The following SIK2 variants were observed in gnomAD, a reference collection of about 807,000 sequenced individuals.
SIK2 encodes the protein serine/threonine-protein kinase SIK2.
In SIK2, 29 loss-of-function variants were observed where a neutral mutation model predicts 103.2. That is an observed-to-expected ratio of 0.28 (90% CI 0.21 to 0.38). The LOEUF is 0.38. Among genes scored for constraint, SIK2 ranks in the 10% least tolerant of loss-of-function variants. The pLI is 1.00. For missense variants in SIK2, 879 were observed against 1,171.0 expected, an observed-to-expected ratio of 0.75 and a Z score of 3.64; for synonymous variants, 412 against 446.1, an observed-to-expected ratio of 0.92 and a Z score of 0.96.
chr11:111,629,873 A>G (rs900448294), intron 3 of SIK2, among the ~76,000 whole-genome samples: 10 of 152,220 alleles, frequency 6.6e-5, no homozygotes, highest in African/African-American at 2.4e-4. Flanking sequence ...GTAGGAATGT[A>G]AAATGGTACA....
At chr11:111,653,805 G>C (rs1274475016) in intron 3 of SIK2, among the ~76,000 whole-genome samples, 11 of 152,218 alleles carry the variant, frequency 7.2e-5, no homozygotes, top group African/African-American at 2.7e-4. Context: ...GGGCAAGCTG[G>C]GAGGTGTCTG....
intron 3 of SIK2, among the ~76,000 whole-genome samples, chr11:111,680,108 C>T (rs1479034621): frequency 2.0e-5 from 3 of 150,370 alleles, no homozygotes; most frequent in East Asian, 1.9e-4. Flanking sequence ...GGTGACAGGG[C>T]GAGACTCCAT....
chr11:111,622,750 G>GT (rs1941908401), intron 3 of SIK2, among the ~76,000 whole-genome samples: 1 of 151,882 alleles, frequency 6.6e-6, no homozygotes, highest in Non-Finnish European at 1.5e-5. Context: ...CATTTGCACT[G>GT]TTTCTGACAA....
chr11:111,621,917 A>T (rs1367400407), intron 3 of SIK2, among the ~76,000 whole-genome samples: 1 of 145,180 alleles, frequency 6.9e-6, no homozygotes, highest in Non-Finnish European at 1.5e-5. Flanking sequence ...CATCTCAATT[A>T]AAAAAAAAAA....
At chr11:111,680,956 A>C (rs1238976391) in intron 3 of SIK2, among the ~76,000 whole-genome samples, 1 of 152,174 alleles carries the variant, frequency 6.6e-6, no homozygotes, top group African/African-American at 2.4e-5. Context: ...ATGACTCTTG[A>C]ATTTTTGAGG....
intron 9 of SIK2, among the ~76,000 whole-genome samples, chr11:111,713,265 T>C (rs1488474424): frequency 6.6e-6 from 1 of 152,244 alleles, no homozygotes; most frequent in African/African-American, 2.4e-5. Context: ...AGATGTCTCT[T>C]TAACTTCCAA....
chr11:111,694,429 A>G (rs1010360762), intron 4 of SIK2, among the ~76,000 whole-genome samples: 1 of 152,154 alleles, frequency 6.6e-6, no homozygotes, highest in African/African-American at 2.4e-5. Flanking sequence ...CTTTAGCCCA[A>G]GAGGAATGCT....
chr11:111,714,009 A>G (rs1943573200), intron 9 of SIK2, among the ~76,000 whole-genome samples: 1 of 152,216 alleles, frequency 6.6e-6, no homozygotes, highest in Non-Finnish European at 1.5e-5. Context: ...TTAAGGAAGT[A>G]TAAATCAGAA....
chr11:111,723,247 A>C (rs1383743458), intron 14 of SIK2, among the ~76,000 whole-genome samples: 1 of 152,188 alleles, frequency 6.6e-6, no homozygotes, highest in Non-Finnish European at 1.5e-5. Context: ...TGTATAAAGG[A>C]AAAAACTCGG....
At chr11:111,713,464 G>A (rs1029889473) in intron 9 of SIK2, among the ~76,000 whole-genome samples, 2 of 152,254 alleles carry the variant, frequency 1.3e-5, no homozygotes, top group East Asian at 3.9e-4. Context: ...CCAACTTTAT[G>A]AGACTATTAT....
intron 1 of SIK2, among the ~76,000 whole-genome samples, chr11:111,604,927 C>G (rs1221829250): frequency 6.6e-6 from 1 of 150,766 alleles, no homozygotes; most frequent in Non-Finnish European, 1.5e-5. Flanking sequence ...GAAAAGTTCT[C>G]TGGATCTCTA....
At position 111,723,382 on chromosome 11, in the gene SIK2, AC is replaced by A. The variant is rs1404442839; in HGVS notation, c.2148-113del. 7 of 1,175,038 alleles carry A rather than the reference AC, an allele frequency of 6.0e-6. No individual in the cohort carries two copies. The East Asian group carries it at 7.2e-5, about 12-fold the overall frequency. The allele number at this position is 1,175,038 out of a possible 1,614,324, so 72.8% of individuals were successfully genotyped here. ...TTCCCATTCCCACTTGTTTTTGCTG[AC>A]ATGAGAGAGACTTAAGTAGAAGACT... On this transcript the variant is annotated intron_variant, in intron 14 of 14. Coordinates refer to ENST00000304987, the MANE Select transcript of SIK2 (RefSeq NM_015191.3).
intron 3 of SIK2, among the ~76,000 whole-genome samples, chr11:111,654,579 G>A (rs1028352918): frequency 2.0e-5 from 3 of 152,218 alleles, no homozygotes; most frequent in Non-Finnish European, 4.4e-5. Context: ...TTACTTAAAG[G>A]TAAGTTCTTT....
At chr11:111,614,720 G>A (rs1253948250) in intron 1 of SIK2, among the ~76,000 whole-genome samples, 1 of 152,146 alleles carries the variant, frequency 6.6e-6, no homozygotes, top group Non-Finnish European at 1.5e-5. Context: ...ATGTTGTTCA[G>A]GGTTAACTGT....
intron 4 of SIK2, among the ~76,000 whole-genome samples, chr11:111,695,674 G>A (rs1352672989): frequency 6.6e-6 from 1 of 152,172 alleles, no homozygotes; most frequent in African/African-American, 2.4e-5. Flanking sequence ...ATCCCTAAAT[G>A]TACTGAGTCA....
intron 3 of SIK2, among the ~76,000 whole-genome samples, chr11:111,669,773 C>T (rs977903225): frequency 4.6e-5 from 7 of 152,116 alleles, no homozygotes; most frequent in Non-Finnish European, 7.3e-5. Flanking sequence ...GTTTGCCTTT[C>T]GAATGCATCA....
At chr11:111,720,374 A>G (rs1409692039) in intron 10 of SIK2, 104 bp from the exon 11 acceptor site, 1 of 1,185,296 alleles carries the variant, frequency 8.4e-7, no homozygotes, top group Middle Eastern at 2.0e-4. Context: ...ATTGGAAATT[A>G]AGGACATGGT....
At chr11:111,668,177 G>GGGGT (rs72041846) in intron 3 of SIK2, among the ~76,000 whole-genome samples, 81,444 of 129,728 alleles carry the variant, frequency 0.63, 24,408 homozygotes, top group East Asian at 0.74. Context: ...ACTAAAGTAA[G>GGGGT]GAGTGTGTGT....
rs1943944286 is a variant in SIK2 at position 111,725,728 on chromosome 11, T to C, written c.*1599T>C. On this transcript the variant is annotated 3_prime_UTR_variant, in exon 15 of 15. Coordinates refer to ENST00000304987, the MANE Select transcript of SIK2 (RefSeq NM_015191.3). ...GTAGTTAGCGTTCAGGCAGGTGACG[T>C]GTGGAAAGTCTAGGGGGTTCCATTC... 1 of 152,610 alleles carries C rather than the reference T, an allele frequency of 6.6e-6. No individual in the cohort carries two copies. The highest frequency in any genetic ancestry group is 1.5e-5 in the Non-Finnish European group (1 of 68,022). The allele number at this position is 152,610 out of a possible 1,614,324, so 9.5% of individuals were successfully genotyped here. A position where few individuals can be genotyped will look rare whatever the true frequency, so the allele number is the denominator to read the frequency against.
Sources: allele counts gnomAD v4.1 joint callset (sites outside exome capture counted in the v4.1 genomes callset), GRCh38; gene constraint gnomAD v4.1.1; transcripts MANE v1.5; gene names NCBI Gene and HGNC (gene_info 2026-07-23, HGNC 2026-07-21).